The following CNTNAP2 variants were observed in gnomAD, a reference collection of about 807,000 sequenced individuals.
CNTNAP2 encodes contactin associated protein 2.
In CNTNAP2, 98 loss-of-function variants were observed where a neutral mutation model predicts 155.2. That is an observed-to-expected ratio of 0.63 (90% CI 0.54 to 0.75). The LOEUF (loss-of-function observed/expected upper bound fraction) is 0.75. Ranked by LOEUF, CNTNAP2 falls within the 30% of genes least tolerant of loss-of-function variation. The pLI, the probability that CNTNAP2 is intolerant of heterozygous loss-of-function variation, is 0.00. For synonymous variants in CNTNAP2, 651 were observed against 631.2 expected (o/e 1.03, Z -0.47); for missense variants, 1,727 against 1,688.1 (o/e 1.02, Z -0.40).
At chr7:147,513,030 A>C (rs981046820) in intron 11 of CNTNAP2, among the ~76,000 whole-genome samples, 1 of 152,218 alleles carries the variant, frequency 6.6e-6, no homozygotes, top group Non-Finnish European at 1.5e-5. Flanking sequence ...AAAGAAAAAA[A>C]CATAAAGTGA....
chr7:147,425,935 A>C (rs1797371179), intron 10 of CNTNAP2, among the ~76,000 whole-genome samples: 1 of 152,204 alleles, frequency 6.6e-6, no homozygotes, highest in Admixed American at 6.5e-5. Flanking sequence ...TAATTGACTG[A>C]AAATGCTAAT....
chr7:148,336,614 G>A (rs113257868), intron 21 of CNTNAP2, among the ~76,000 whole-genome samples: 2 of 151,206 alleles, frequency 1.3e-5, no homozygotes, highest in East Asian at 1.9e-4. Flanking sequence ...AACAACTGGC[G>A]GAGCCAAGAA....
rs370188495 is a variant in CNTNAP2 at position 147,841,478 on chromosome 7, A to G, written c.2099-62087A>G. 3.3e-5 allele frequency among the ~76,000 whole-genome samples: 5 copies of G among 152,298 alleles called. 1 individual carries two copies. The highest frequency in any genetic ancestry group is 1.2e-4 in the African/African-American group (5 of 41,578). On this transcript the variant is annotated intron_variant, in intron 13 of 23. Transcript: ENST00000361727. ...AGTCATAAAGAGACTCCCCAGCTACAGGTGCTACAAGGTGTGCAAAGGCAA... is the reference window on the plus strand; with the variant it reads ...AGTCATAAAGAGACTCCCCAGCTACGGGTGCTACAAGGTGTGCAAAGGCAA...
intron 20 of CNTNAP2, among the ~76,000 whole-genome samples, chr7:148,233,676 C>T (rs746283765): frequency 3.3e-5 from 5 of 152,206 alleles, no homozygotes; most frequent in African/African-American, 4.8e-5. Context: ...TCCAAGGCAA[C>T]GTGCTAAGCA....
intron 13 of CNTNAP2, among the ~76,000 whole-genome samples, chr7:147,654,717 A>T (rs1376863498): frequency 6.6e-6 from 1 of 152,076 alleles, no homozygotes; most frequent in Non-Finnish European, 1.5e-5. Context: ...CTAGGATGGC[A>T]AATCCTTACC....
chr7:147,509,912 T>TTTGG (rs1468840399), intron 11 of CNTNAP2, among the ~76,000 whole-genome samples: 1 of 152,126 alleles, frequency 6.6e-6, no homozygotes, highest in African/African-American at 2.4e-5. Context: ...CACCAGTCAA[T>TTTGG]CCAACAGTTC....
chr7:148,380,433 T>A (rs987360152), intron 21 of CNTNAP2, among the ~76,000 whole-genome samples: 1 of 152,232 alleles, frequency 6.6e-6, no homozygotes, highest in Non-Finnish European at 1.5e-5. Context: ...CACCACATTT[T>A]TGAAAATCAA....
intron 21 of CNTNAP2, among the ~76,000 whole-genome samples, chr7:148,366,874 G>T (rs933255678): frequency 6.6e-6 from 1 of 151,968 alleles, no homozygotes; most frequent in Non-Finnish European, 1.5e-5. Context: ...CAAATCCAGG[G>T]CTACTTCCAG....
intron 11 of CNTNAP2, among the ~76,000 whole-genome samples, chr7:147,532,848 C>T (rs1799467403): frequency 6.6e-6 from 1 of 152,250 alleles, no homozygotes; most frequent in African/African-American, 2.4e-5. Flanking sequence ...GAAAGACCAG[C>T]CCCCATGATT....
At chr7:148,054,472 T>C (rs1043946615) in intron 15 of CNTNAP2, among the ~76,000 whole-genome samples, 1 of 90,954 alleles carries the variant, frequency 1.1e-5, no homozygotes, top group African/African-American at 4.4e-5. Context: ...TTTTTTTTTT[T>C]ACAGAGCTGG....
At chr7:146,566,566 A>G (rs1478274516) in intron 1 of CNTNAP2, among the ~76,000 whole-genome samples, 11 of 152,082 alleles carry the variant, frequency 7.2e-5, no homozygotes, top group South Asian at 2.1e-4. Flanking sequence ...GCGTGGTGGC[A>G]GGCGCCTGTA....
chr7:146,254,822 T>C (rs1799813129), intron 1 of CNTNAP2, among the ~76,000 whole-genome samples: 1 of 152,144 alleles, frequency 6.6e-6, no homozygotes, highest in Non-Finnish European at 1.5e-5. Context: ...TTGTACCATA[T>C]TCAAGCTGTA....
chr7:147,543,577 C>T (rs942678649), intron 11 of CNTNAP2, among the ~76,000 whole-genome samples: 11 of 152,260 alleles, frequency 7.2e-5, no homozygotes, highest in African/African-American at 2.4e-4. Context: ...TTATTCTGAA[C>T]AACTCTATAA....
chr7:146,362,369 T>C (rs1414345099), intron 1 of CNTNAP2, among the ~76,000 whole-genome samples: 1 of 152,048 alleles, frequency 6.6e-6, no homozygotes, highest in East Asian at 1.9e-4. Flanking sequence ...AGGTCCAAGG[T>C]AGACAGCACC....
At chr7:148,213,397 C>G (rs1795581897) in intron 18 of CNTNAP2, among the ~76,000 whole-genome samples, 1 of 152,164 alleles carries the variant, frequency 6.6e-6, no homozygotes, top group Admixed American at 6.5e-5. Context: ...TTGCCGGTGA[C>G]ACGCTGCACC....
intron 3 of CNTNAP2, among the ~76,000 whole-genome samples, chr7:146,895,655 A>G (rs1795862896): frequency 6.6e-6 from 1 of 152,150 alleles, no homozygotes; most frequent in Admixed American, 6.6e-5. Context: ...ACATAAAAGT[A>G]TTGCTAGCTT....
intron 23 of CNTNAP2, among the ~76,000 whole-genome samples, chr7:148,410,328 G>A (rs565765602): frequency 1.3e-5 from 2 of 152,014 alleles, no homozygotes; most frequent in Middle Eastern, 3.2e-3. Flanking sequence ...CCAGCACTTC[G>A]GGAGGCCGAG....
intron 11 of CNTNAP2, among the ~76,000 whole-genome samples, chr7:147,516,851 T>TTTC (rs1043436498): frequency 6.9e-6 from 1 of 145,082 alleles, no homozygotes; most frequent in African/African-American, 2.6e-5. Context: ...TTCTTTTCTT[T>TTTC]TTTTTTTTTT....
At chr7:146,140,925 C>T (rs907295118) in intron 1 of CNTNAP2, among the ~76,000 whole-genome samples, 1 of 152,118 alleles carries the variant, frequency 6.6e-6, no homozygotes, top group African/African-American at 2.4e-5. Context: ...GCAATCTGCA[C>T]GTCTGGCCTA....
Sources: gnomAD v4.1 joint callset for allele counts (sites outside exome capture counted in the v4.1 genomes callset) on GRCh38, gnomAD v4.1.1 for gene constraint, MANE v1.5 for transcripts, NCBI Gene and HGNC (gene_info 2026-07-23, HGNC 2026-07-21) for gene names.